The following NUP93 variants were observed in gnomAD, a reference collection of about 807,000 sequenced individuals.
NUP93 encodes nuclear pore complex protein Nup93.
A neutral mutation model predicts 107.8 loss-of-function variants in NUP93; 55 were observed. The ratio of observed to expected loss-of-function variants is 0.51; its 90% confidence interval spans 0.41 to 0.64. NUP93 has a LOEUF of 0.64. NUP93 is among the 30% of genes least tolerant of loss of function. The pLI is 0.00. For synonymous variants in NUP93, 390 were observed against 397.5 expected (o/e 0.98, Z 0.22); for missense variants, 937 against 1,044.7 (o/e 0.90, Z 1.42).
At chr16:56,796,768 G>A (rs2144553640) in intron 3 of NUP93, among the ~76,000 whole-genome samples, 1 of 152,160 alleles carries the variant, frequency 6.6e-6, no homozygotes, top group South Asian at 2.1e-4. Flanking sequence ...CACAAGGTCA[G>A]GAGATCGAGA....
In NUP93 at chr16:56,833,208, C is replaced by T. The variant is rs769499584; in HGVS notation, c.1346-7C>T. 4 of 1,596,874 alleles carry T rather than the reference C, an allele frequency of 2.5e-6. No individual in the cohort carries two copies. In the East Asian group the frequency reaches 9.2e-5, roughly 37 times the overall value. On this transcript the variant is annotated splice_polypyrimidine_tract_variant and splice_region_variant and intron_variant, in intron 12 of 21. Transcript: ENST00000308159. ...GGTTTTATCTCCTCTCCTCTCCTCTCTCCCAGGCGAGTCCCACTTTACGGT... is the reference window on the plus strand; with the variant it reads ...GGTTTTATCTCCTCTCCTCTCCTCTTTCCCAGGCGAGTCCCACTTTACGGT...
intron 20 of NUP93, chr16:56,839,867 G>T: frequency 2.3e-6 from 1 of 442,830 alleles, no homozygotes; most frequent in Non-Finnish European, 4.1e-6. Flanking sequence ...ACAGGTTTCT[G>T]GTTGATCTGT....
chr16:56,844,835 A>T lies in NUP93; in HGVS notation c.*226A>T, dbSNP rs1314966299. Reference sequence around the variant, plus strand: ...ATTTTGTTTACATTTTTATTTGTGTAATGGGAAATACCGTCACTAGCTCTT... The same window carrying T: ...ATTTTGTTTACATTTTTATTTGTGTTATGGGAAATACCGTCACTAGCTCTT... On this transcript the variant is annotated 3_prime_UTR_variant, in exon 22 of 22. Transcript: ENST00000308159. 1 of 402,322 alleles carries T rather than the reference A, an allele frequency of 2.5e-6. No homozygotes were observed. The highest frequency in any genetic ancestry group is 4.3e-6 in the Non-Finnish European group (1 of 229,934). 24.9% of individuals were successfully genotyped at this position (402,322 alleles called of 1,614,324 possible).
chr16:56,806,238 T>C (rs1963136010), intron 5 of NUP93, among the ~76,000 whole-genome samples: 1 of 151,684 alleles, frequency 6.6e-6, no homozygotes, highest in Non-Finnish European at 1.5e-5. Flanking sequence ...ACTTTTGTCC[T>C]CTCCATCTTG....
chr16:56,823,850 A>G lies in NUP93; in HGVS notation c.794+4A>G, dbSNP rs1168570219. 1.2e-6 allele frequency: 2 copies of G among 1,613,208 alleles called. No individual in the cohort carries two copies. The highest frequency in any genetic ancestry group is 1.7e-6 in the Non-Finnish European group (2 of 1,179,844). On this transcript the variant is annotated splice_donor_region_variant and intron_variant, in intron 8 of 21. Transcript: ENST00000308159. Reference sequence around the variant, plus strand: ...CCTTGGCGTACCTTGAGCAGAGGTAAGGCAGCAGTAGCACAGTGGGGCTGG... The same window carrying G: ...CCTTGGCGTACCTTGAGCAGAGGTAGGGCAGCAGTAGCACAGTGGGGCTGG...
chr16:56,821,624 CGG>C, intron 7 of NUP93, 31 bp downstream of exon 7: 1 of 1,499,728 alleles, frequency 6.7e-7, no homozygotes, highest in Non-Finnish European at 9.3e-7. Flanking sequence ...AAGTAGAAAC[CGG>C]GGTCCAGTGT....
At chr16:56,802,791 G>A (rs1325845768) in intron 4 of NUP93, among the ~76,000 whole-genome samples, 1 of 152,190 alleles carries the variant, frequency 6.6e-6, no homozygotes. Context: ...CCTTATTGCT[G>A]CCTAATTAGA....
At chr16:56,808,209 A>ATAGT (rs1963202200) in intron 5 of NUP93, among the ~76,000 whole-genome samples, 1 of 119,692 alleles carries the variant, frequency 8.4e-6, no homozygotes, top group Non-Finnish European at 1.6e-5. Flanking sequence ...TATAAAATAT[A>ATAGT]TAGTTATGTA....
At chr16:56,766,803 C>T (rs767905799) in intron 3 of NUP93, among the ~76,000 whole-genome samples, 4 of 152,102 alleles carry the variant, frequency 2.6e-5, no homozygotes, top group African/African-American at 9.7e-5. Flanking sequence ...CCATGATCTG[C>T]GATGGAACCG....
chr16:56,797,380 A>T (rs1166824338), intron 3 of NUP93, among the ~76,000 whole-genome samples: 1 of 152,192 alleles, frequency 6.6e-6, no homozygotes, highest in East Asian at 1.9e-4. Context: ...TGATCTCTAC[A>T]TGTCAATTGA....
Position 56,837,683 on chromosome 16 carries a change from A to C in NUP93, c.1975A>C (p.Asn659His). The change falls in exon 18 of 22, where the codon AAC becomes CAC. Residue 659 changes from asparagine to histidine, a missense_variant. Physicochemically the swap from Asn to His is moderately conservative, Grantham distance 68. Coordinates refer to ENST00000308159, the MANE Select transcript of NUP93 (RefSeq NM_014669.5). ...VVPQISAPQS[N>H]KERLKNMALS... Reference sequence around the variant, plus strand: ...CCCCCAGATCAGTGCCCCGCAATCCAACAAGGAGAGGCTGAAGAACATGGC... The same window carrying C: ...CCCCCAGATCAGTGCCCCGCAATCCCACAAGGAGAGGCTGAAGAACATGGC... 6.2e-7 allele frequency: 1 copy of C among 1,614,182 alleles called. No homozygotes were observed.
intron 3 of NUP93, among the ~76,000 whole-genome samples, chr16:56,779,309 T>C (rs1962470383): frequency 6.6e-6 from 1 of 152,208 alleles, no homozygotes; most frequent in Non-Finnish European, 1.5e-5. Context: ...AGCTCCCTTT[T>C]CTAGACTGTA....
intron 10 of NUP93, 83 bp downstream of exon 10, chr16:56,830,768 T>A: frequency 7.8e-7 from 1 of 1,289,834 alleles, no homozygotes; most frequent in Non-Finnish European, 1.0e-6. Context: ...CTCTTTTCCC[T>A]GGACGGGCCC....
chr16:56,774,928 C>A (rs1192554525), intron 3 of NUP93, among the ~76,000 whole-genome samples: 2 of 148,034 alleles, frequency 1.4e-5, no homozygotes, highest in African/African-American at 5.0e-5. Context: ...GAGACAGAGT[C>A]TCGCTCTGTT....
intron 8 of NUP93, among the ~76,000 whole-genome samples, chr16:56,824,672 A>G (rs1252727403): frequency 6.6e-6 from 1 of 152,250 alleles, no homozygotes; most frequent in Non-Finnish European, 1.5e-5. Context: ...TTTTGTCAAT[A>G]AAACGATACT....
chr16:56,810,308 T>G (rs1456436448), intron 5 of NUP93, among the ~76,000 whole-genome samples: 1 of 152,214 alleles, frequency 6.6e-6, no homozygotes, highest in Non-Finnish European at 1.5e-5. Context: ...ATGTATAACG[T>G]ATAGATGGAA....
rs1277353438 is a variant in NUP93 at position 56,844,775 on chromosome 16, A to G, written c.*166A>G. On this transcript the variant is annotated 3_prime_UTR_variant, in exon 22 of 22. Coordinates refer to ENST00000308159, the MANE Select transcript of NUP93 (RefSeq NM_014669.5). ...ATTTCTTTGATTTGTATTTCTTTTC[A>G]ACATTCTTTTATTTTCTTTTTTTTT... is the stretch of plus-strand genomic sequence containing the variant. 16 of 392,072 alleles carry G rather than the reference A, an allele frequency of 4.1e-5. No individual in the cohort carries two copies. Among genetic ancestry groups the G allele is most frequent in the Non-Finnish European group, 6.6e-5 (15 of 228,878 alleles). The allele number at this position is 392,072 out of a possible 1,614,324, so 24.3% of individuals were successfully genotyped here.
chr16:56,832,024 C>G lies in NUP93; in HGVS notation c.1251+17C>G, dbSNP rs771300108. 3 of 1,613,556 alleles carry G rather than the reference C, an allele frequency of 1.9e-6. No individual in the cohort carries two copies. The highest frequency in any genetic ancestry group is 2.5e-6 in the Non-Finnish European group (3 of 1,179,742). ...TGGCTGAAGGTAGGCACTGTTTCCC[C>G]TGCCCACATAGGGCTTTACCCCTTT... is the stretch of plus-strand genomic sequence containing the variant. On this transcript the variant is annotated intron_variant, in intron 11 of 21. Coordinates refer to ENST00000308159, the MANE Select transcript of NUP93 (RefSeq NM_014669.5).
At chr16:56,742,733 T>C (rs1460074114) in intron 1 of NUP93, among the ~76,000 whole-genome samples, 1 of 152,220 alleles carries the variant, frequency 6.6e-6, no homozygotes, top group Non-Finnish European at 1.5e-5. Flanking sequence ...ATTTTCCTTT[T>C]CCCTTTGTAG....
Sources: gnomAD v4.1 joint callset for allele counts (sites outside exome capture counted in the v4.1 genomes callset) on GRCh38, gnomAD v4.1.1 for gene constraint, MANE v1.5 for transcripts, NCBI Gene and HGNC (gene_info 2026-07-23, HGNC 2026-07-21) for gene names.